The following FAAH2 variants were observed in gnomAD, a reference collection of about 807,000 sequenced individuals.
FAAH2 encodes the protein fatty-acid amide hydrolase 2.
FAAH2 carries 60 observed loss-of-function variants against 36.9 expected under a neutral mutation model. The observed-to-expected ratio is 1.63, with a 90% CI of 1.32 to 2.02. The LOEUF (loss-of-function observed/expected upper bound fraction) is 2.02. FAAH2 is among the 30% of genes most tolerant of loss of function. The pLI, the probability that FAAH2 is intolerant of heterozygous loss-of-function variation, is 0.00. For synonymous variants in FAAH2, 214 were observed against 143.8 expected (o/e 1.49, Z -3.49); for missense variants, 689 against 397.5 (o/e 1.73, Z -6.23).
intron 7 of FAAH2, among the ~76,000 whole-genome samples, chrX:57,424,936 G>T (rs986477036): frequency 9.0e-6 from 1 of 110,549 alleles, no homozygotes; most frequent in Non-Finnish European, 1.9e-5. Context: ...TAATTTTAAA[G>T]ATACTCAATG....
the FAAH2 span, among the ~76,000 whole-genome samples, chrX:57,181,456 G>T: frequency 1.8e-5 from 2 of 110,627 alleles, no homozygotes; most frequent in African/African-American, 3.3e-5. Context: ...GCCAAGCCAA[G>T]AACCAAATCA....
chrX:57,341,319 G>A lies in FAAH2; in HGVS notation c.671G>A (p.Gly224Asp), dbSNP rs1182627642. The A allele has an allele frequency of 8.3e-7, 1 of 1,208,279 alleles. No homozygotes were observed. Among genetic ancestry groups the A allele is most frequent in the African/African-American group, 1.8e-5 (1 of 57,114 alleles). Residue 224 changes from glycine to aspartate, a missense_variant, in exon 5 of 11, where the codon GGC becomes GAC. By Grantham distance (94) the Gly-to-Asp change is moderately conservative. Transcript: ENST00000374900. ...LAAACSVIGV[G>D]SDIGGSIRMP... Reference sequence around the variant, plus strand: ...GCTGCCTGCTCAGTTATTGGTGTGGGCTCTGATATTGGTGGTAGCATTCGA... The same window carrying A: ...GCTGCCTGCTCAGTTATTGGTGTGGACTCTGATATTGGTGGTAGCATTCGA...
chrX:57,215,700 C>A, the FAAH2 span, among the ~76,000 whole-genome samples: 1 of 109,954 alleles, frequency 9.1e-6, no homozygotes, highest in Admixed American at 9.8e-5. Context: ...TCATTCTCAG[C>A]AAACTAACAC....
chrX:57,188,911 C>T, the FAAH2 span, among the ~76,000 whole-genome samples: 3 of 110,821 alleles, frequency 2.7e-5, no homozygotes, highest in Non-Finnish European at 5.7e-5. Context: ...CTCTGTATTT[C>T]CTGAATTTGA....
At chrX:57,471,875 G>T (rs1046646895) in intron 10 of FAAH2, among the ~76,000 whole-genome samples, 2 of 111,692 alleles carry the variant, frequency 1.8e-5, no homozygotes, top group Non-Finnish European at 3.8e-5. Context: ...AAACAGCATG[G>T]TGCTGGTACC....
the FAAH2 span, among the ~76,000 whole-genome samples, chrX:57,278,199 A>G: frequency 8.9e-6 from 1 of 111,879 alleles, no homozygotes; most frequent in Non-Finnish European, 1.9e-5. Context: ...CATCCAAAAC[A>G]GCATGGTACT....
chrX:57,248,626 G>T, the FAAH2 span, among the ~76,000 whole-genome samples: 4 of 107,844 alleles, frequency 3.7e-5, no homozygotes, highest in Non-Finnish European at 7.7e-5. Flanking sequence ...GGTGGTGCAT[G>T]CCTGTAATCC....
At chrX:57,310,460 T>C (rs1029242660) in intron 2 of FAAH2, 133 bp from the exon 3 acceptor site, 2 of 715,986 alleles carry the variant, frequency 2.8e-6, no homozygotes, top group Non-Finnish European at 3.9e-6. Context: ...TGGTCAGCTT[T>C]ATAAGGCTCT....
rs60873866 is a variant in FAAH2 at position 57,334,268 on chromosome X, T to TCACACA, written c.622+2486_622+2491dup. Among the ~76,000 whole-genome samples, 684 of 85,702 alleles carry TCACACA rather than the reference T, an allele frequency of 8.0e-3. 4 individuals carry two copies. The highest frequency in any genetic ancestry group is 0.05 in the East Asian group (124 of 2,496). 74.4% of individuals were successfully genotyped at this position (85,702 alleles called of 115,157 possible). ...CTAGGTGACAGAGGGAGATTCCGTC[T>TCACACA]CACACACACACACACACACACACAC... On this transcript the variant is annotated intron_variant, in intron 4 of 10. Transcript: ENST00000374900.
the FAAH2 span, among the ~76,000 whole-genome samples, chrX:57,223,199 G>T: frequency 2.7e-5 from 3 of 111,682 alleles, no homozygotes; most frequent in African/African-American, 9.8e-5. Flanking sequence ...ATCATTTATT[G>T]CAGGGGCCAC....
At chrX:57,419,465 C>T (rs749594980) in intron 7 of FAAH2, among the ~76,000 whole-genome samples, 11 of 112,116 alleles carry the variant, frequency 9.8e-5, no homozygotes, top group African/African-American at 3.6e-4. Flanking sequence ...TCTCTGATGG[C>T]CAGTGATGGT....
the FAAH2 span, among the ~76,000 whole-genome samples, chrX:57,127,596 T>C: frequency 8.9e-6 from 1 of 112,157 alleles, no homozygotes. Context: ...TTTTTAAATG[T>C]CATGCATTAA....
At chrX:57,350,439 C>T (rs5914979) in intron 5 of FAAH2, among the ~76,000 whole-genome samples, 58,947 of 108,422 alleles carry the variant, frequency 0.54, 14,305 homozygotes, top group Non-Finnish European at 0.75. Context: ...TGACAAACAA[C>T]GTGGGAAAAA....
chrX:57,261,573 A>T, the FAAH2 span, among the ~76,000 whole-genome samples: 9 of 107,923 alleles, frequency 8.3e-5, no homozygotes, highest in Non-Finnish European at 1.3e-4. Flanking sequence ...AAAAAAAAAA[A>T]AAGAAAAAAA....
chrX:57,220,941 C>G, the FAAH2 span, among the ~76,000 whole-genome samples: 2 of 112,191 alleles, frequency 1.8e-5, no homozygotes, highest in African/African-American at 6.5e-5. Flanking sequence ...ACCCTGGCAA[C>G]TACCTTTGCC....
chrX:57,451,614 C>T (rs770645374), intron 10 of FAAH2, among the ~76,000 whole-genome samples: 1 of 111,223 alleles, frequency 9.0e-6, no homozygotes, highest in Non-Finnish European at 1.9e-5. Flanking sequence ...CAATGGTCCA[C>T]GCAGTACGAA....
chrX:57,280,380 C>A, the FAAH2 span, among the ~76,000 whole-genome samples: 1 of 110,849 alleles, frequency 9.0e-6, no homozygotes, highest in Non-Finnish European at 1.9e-5. Context: ...CAAAAAAAAT[C>A]CAATTAGAAA....
chrX:57,163,656 T>C, the FAAH2 span, among the ~76,000 whole-genome samples: 7 of 112,194 alleles, frequency 6.2e-5, no homozygotes, highest in East Asian at 2.0e-3. Flanking sequence ...TTCTTTGACT[T>C]GGAAAGGGAA....
Position 57,436,863 on chromosome X carries a change from T to C in FAAH2, c.1116+4826T>C, listed in dbSNP as rs909600366. Among the ~76,000 whole-genome samples the C allele has an allele frequency of 2.7e-5, 3 of 110,733 alleles. No individual in the cohort carries two copies. In the East Asian group the frequency reaches 8.5e-4, roughly 32 times the overall value. ...TCCAAAAGTTCAAAGAGGAGAGAAT[T>C]CTTCATAACTCATTCCATGACACCA... On this transcript the variant is annotated intron_variant, in intron 8 of 10. Coordinates refer to ENST00000374900, the MANE Select transcript of FAAH2 (RefSeq NM_174912.4).
Sources: allele counts gnomAD v4.1 joint callset (sites outside exome capture counted in the v4.1 genomes callset), GRCh38; gene constraint gnomAD v4.1.1; transcripts MANE v1.5; gene names NCBI Gene and HGNC (gene_info 2026-07-23, HGNC 2026-07-21).